Variants in PCDHGA3 observed in about 807,000 individuals in gnomAD.
PCDHGA3 encodes the protein protocadherin gamma subfamily A, 3.
In PCDHGA3, 40 loss-of-function variants were observed where a neutral mutation model predicts 58.5. The observed-to-expected ratio is 0.68, with a 90% confidence interval of 0.53 to 0.89. PCDHGA3 has a LOEUF of 0.89. PCDHGA3 is among the 40% of genes least tolerant of loss of function. The pLI is 0.00. For synonymous variants in PCDHGA3, 530 were observed against 525.7 expected (o/e 1.01, Z -0.11); for missense variants, 1,223 against 1,195.9 (o/e 1.02, Z -0.33).
In PCDHGA3 at chr5:141,477,669, T is replaced by C; in HGVS notation, c.2425-17138T>C. Reference sequence around the variant, plus strand: ...TTCACAATAAATCGTGACAATGGCATAGTGTCATCCTTAGTGCCCCTAGAC... The same window carrying C: ...TTCACAATAAATCGTGACAATGGCACAGTGTCATCCTTAGTGCCCCTAGAC... On this transcript the variant is annotated intron_variant, in intron 1 of 3. Coordinates refer to ENST00000253812, the MANE Select transcript of PCDHGA3 (RefSeq NM_018916.4). This position sits in a 1 kb window ranked among gnomAD's most constrained non-coding sequence, Gnocchi z 4.9. 6.2e-7 allele frequency: 1 copy of C among 1,614,200 alleles called. No individual in the cohort carries two copies. Among genetic ancestry groups the C allele is most frequent in the Non-Finnish European group, 8.5e-7 (1 of 1,180,030 alleles).
rs2099883762 is a variant in PCDHGA3, at chr5:141,511,396, C to T, written c.*223C>T. 9.8e-7 allele frequency: 1 copy of T among 1,016,834 alleles called. No homozygotes were observed. Among genetic ancestry groups the T allele is most frequent in the South Asian group, 1.7e-5 (1 of 58,996 alleles). The allele number at this position is 1,016,834 out of a possible 1,614,324, so 63.0% of individuals were successfully genotyped here. ...AAGCAGTTCCGCTGGGAACCCCCAT[C>T]CAATCAACTGCTGTACCCATGGGGG... On this transcript the variant is annotated 3_prime_UTR_variant, in exon 4 of 4. Coordinates refer to ENST00000253812, the MANE Select transcript of PCDHGA3 (RefSeq NM_018916.4).
At position 141,431,496 on chromosome 5, in the gene PCDHGA3, A is replaced by C. The variant is rs1223687647; in HGVS notation, c.2425-63311A>C. On this transcript the variant is annotated intron_variant, in intron 1 of 3. Coordinates refer to ENST00000253812, the MANE Select transcript of PCDHGA3 (RefSeq NM_018916.4). This position sits in a 1 kb window ranked among gnomAD's most constrained non-coding sequence, Gnocchi z 4.8. ...AACGCACCAGCGTTTGCTCAGCCCGAGTACCGCGCGAGCGTTCCGGAGAAT... is the reference window on the plus strand; with the variant it reads ...AACGCACCAGCGTTTGCTCAGCCCGCGTACCGCGCGAGCGTTCCGGAGAAT... 5 of 1,614,020 alleles carry C rather than the reference A, an allele frequency of 3.1e-6. No individual in the cohort carries two copies. The South Asian group carries it at 4.4e-5, about 14-fold the overall frequency.
chr5:141,370,565 C>A, intron 1 of PCDHGA3: 4 of 1,613,782 alleles, frequency 2.5e-6, no homozygotes, highest in African/African-American at 1.3e-5. Context: ...TGGGGTTTGG[C>A]GTGGGGGATT....
intron 1 of PCDHGA3, chr5:141,415,740 G>GTGT: frequency 1.6e-6 from 1 of 617,992 alleles, no homozygotes; most frequent in Non-Finnish European, 2.1e-6. Context: ...GTTTATTAAG[G>GTGT]TTTTTTTTTT....
chr5:141,498,284 G>A (rs1339639509), intron 2 of PCDHGA3, among the ~76,000 whole-genome samples: 1 of 152,004 alleles, frequency 6.6e-6, no homozygotes, highest in Non-Finnish European at 1.5e-5. Flanking sequence ...CTTGGTTCAA[G>A]ATCAAGCCAG....
At chr5:141,380,830 A>T (rs1205839306) in intron 1 of PCDHGA3, among the ~76,000 whole-genome samples, 1 of 152,264 alleles carries the variant, frequency 6.6e-6, no homozygotes, top group Non-Finnish European at 1.5e-5. Flanking sequence ...ATTTTGAGGC[A>T]TCAGGTAAAA....
chr5:141,496,980 G>T (rs186715298), intron 2 of PCDHGA3, among the ~76,000 whole-genome samples: 1 of 151,974 alleles, frequency 6.6e-6, no homozygotes, highest in Admixed American at 6.6e-5. Flanking sequence ...GAGGTCAGGG[G>T]TTTGAGACCA....
intron 1 of PCDHGA3, chr5:141,395,450 C>A: frequency 1.6e-6 from 1 of 643,034 alleles, no homozygotes; most frequent in Non-Finnish European, 2.5e-6. Flanking sequence ...AAAGATTGTT[C>A]AACCATTTTA....
At chr5:141,408,164 A>C (rs2095051548) in intron 1 of PCDHGA3, 1 of 1,520,458 alleles carries the variant, frequency 6.6e-7, no homozygotes, top group African/African-American at 1.4e-5. Context: ...ACTTTCTCCA[A>C]CTGGAAAAGC....
intron 1 of PCDHGA3, chr5:141,422,608 T>A: frequency 5.0e-6 from 8 of 1,613,956 alleles, no homozygotes; most frequent in Non-Finnish European, 5.1e-6. Context: ...TTACTCTGCC[T>A]ACATTCCCGA....
At chr5:141,375,806 G>A in intron 1 of PCDHGA3, 1 of 1,614,206 alleles carries the variant, frequency 6.2e-7, no homozygotes, top group Non-Finnish European at 8.5e-7. Context: ...TTCCACTGGC[G>A]TGGAGCTGGC....
intron 1 of PCDHGA3, chr5:141,351,833 G>C (rs970318141): frequency 6.2e-7 from 1 of 1,613,230 alleles, no homozygotes; most frequent in Non-Finnish European, 8.5e-7. Flanking sequence ...GCGCGCCTTC[G>C]AGCTCACACT....
intron 1 of PCDHGA3, among the ~76,000 whole-genome samples, chr5:141,402,766 A>T (rs1321674206): frequency 6.6e-6 from 1 of 152,232 alleles, no homozygotes; most frequent in African/African-American, 2.4e-5. Context: ...TCAGGACTCC[A>T]TCCGGATTTC....
At position 141,485,049 on chromosome 5, in the gene PCDHGA3, G is replaced by A; in HGVS notation, c.2425-9758G>A. The A allele has an allele frequency of 1.3e-6, 1 of 780,438 alleles. No individual in the cohort carries two copies. 48.3% of individuals were successfully genotyped at this position (780,438 alleles called of 1,614,324 possible). ...AACGGCGCGTAACCCTTGCGGCGCC[G>A]GCCGAACCGCGCCAGAGCTGGCGCG... On this transcript the variant is annotated intron_variant, in intron 1 of 3. Coordinates refer to ENST00000253812, the MANE Select transcript of PCDHGA3 (RefSeq NM_018916.4). This position sits in a 1 kb window ranked among gnomAD's most constrained non-coding sequence, Gnocchi z 5.7.
intron 2 of PCDHGA3, among the ~76,000 whole-genome samples, chr5:141,497,735 C>T (rs1299892535): frequency 2.6e-5 from 4 of 152,144 alleles, no homozygotes; most frequent in Non-Finnish European, 4.4e-5. Flanking sequence ...AGATGGGTTT[C>T]GCCACGTTGG....
Position 141,493,760 on chromosome 5 carries a change from G to C in PCDHGA3, c.2425-1047G>C, listed in dbSNP as rs1268832909. On this transcript the variant is annotated intron_variant, in intron 1 of 3. Coordinates refer to ENST00000253812, the MANE Select transcript of PCDHGA3 (RefSeq NM_018916.4). The surrounding 1 kb of genome is among the most constrained non-coding windows in gnomAD (Gnocchi z 4.3). ...ACTGCCACCTGTGAGCCTTGAGTGA[G>C]CCACTGGCAGTTCCGGAGCTTCCTT... Among the ~76,000 whole-genome samples, 1 of 152,166 alleles carries C rather than the reference G, an allele frequency of 6.6e-6. No individual in the cohort carries two copies. The highest frequency in any genetic ancestry group is 1.5e-5 in the Non-Finnish European group (1 of 68,022).
chr5:141,476,979 G>T lies in PCDHGA3; in HGVS notation c.2425-17828G>T. The T allele has an allele frequency of 1.2e-6, 2 of 1,614,238 alleles. No individual in the cohort carries two copies. The highest frequency in any genetic ancestry group is 1.7e-6 in the Non-Finnish European group (2 of 1,180,042). The stretch of plus-strand genomic sequence containing the variant: ...ATTTACTCCTTCGGCAGCCACAACC[G>T]CGCCGGCGTGCGGCAACTATTCGCC... On this transcript the variant is annotated intron_variant, in intron 1 of 3. Coordinates refer to ENST00000253812, the MANE Select transcript of PCDHGA3 (RefSeq NM_018916.4). This position sits in a 1 kb window ranked among gnomAD's most constrained non-coding sequence, Gnocchi z 7.6.
chr5:141,477,260 G>A lies in PCDHGA3; in HGVS notation c.2425-17547G>A. On this transcript the variant is annotated intron_variant, in intron 1 of 3. Coordinates refer to ENST00000253812, the MANE Select transcript of PCDHGA3 (RefSeq NM_018916.4). This position sits in a 1 kb window ranked among gnomAD's most constrained non-coding sequence, Gnocchi z 4.9. ...GCTCAGTGTGACTGACCTGGATGCTGGCGAGAACGGGCTGGTGACCTGCGA... is the reference window on the plus strand; with the variant it reads ...GCTCAGTGTGACTGACCTGGATGCTAGCGAGAACGGGCTGGTGACCTGCGA... 6.2e-7 allele frequency: 1 copy of A among 1,614,200 alleles called. No homozygotes were observed. Among genetic ancestry groups the A allele is most frequent in the Non-Finnish European group, 8.5e-7 (1 of 1,180,048 alleles).
chr5:141,425,242 G>A (rs2096863400), intron 1 of PCDHGA3, among the ~76,000 whole-genome samples: 1 of 152,128 alleles, frequency 6.6e-6, no homozygotes, highest in South Asian at 2.1e-4. Context: ...TAAATAAAAA[G>A]GATATGAGGT....
Sources: allele counts gnomAD v4.1 joint callset (sites outside exome capture counted in the v4.1 genomes callset), GRCh38; gene constraint gnomAD v4.1.1; non-coding constraint Gnocchi (gnomAD v3.1); transcripts MANE v1.5; gene names NCBI Gene and HGNC (gene_info 2026-07-23, HGNC 2026-07-21).